Variants in TTN observed in about 807,000 individuals in gnomAD.
The protein encoded by TTN is titin, also known as connectin.
In TTN, 1,525 loss-of-function variants were observed where a neutral mutation model predicts 3,223.0. That is an observed-to-expected ratio of 0.47 (90% CI 0.45 to 0.49). The LOEUF (loss-of-function observed/expected upper bound fraction) is 0.49. TTN is among the 20% of genes least tolerant of loss of function. TTN has a pLI of 0.00. For missense variants in TTN, 40,786 were observed against 43,424.0 expected (o/e 0.94, Z 5.40); for synonymous variants, 14,094 against 15,161.0 (o/e 0.93, Z 5.17).
Position 178,537,564 on chromosome 2 carries a change from G to T in TTN, c.99643C>A (p.Arg33215=), listed in dbSNP as rs377598016. ...KYYGAVGSTL[R]LHVMYIGRPV... ...CGACCAATGTACATAACATGAAGCC[G>T]AAGTGTGGAACCCACAGCTCCATAA... The change falls in exon 355 of 363, where the codon CGG becomes AGG. Residue 33215 remains arginine (R), a synonymous_variant. Transcript: ENST00000589042. 1.2e-6 allele frequency: 2 copies of T among 1,613,678 alleles called. No individual in the cohort carries two copies. The highest frequency in any genetic ancestry group is 1.7e-6 in the Non-Finnish European group (2 of 1,179,790).
At position 178,642,338 on chromosome 2, in the gene TTN, A is replaced by G; in HGVS notation, c.40478-21T>C. The G allele has an allele frequency of 3.9e-6, 6 of 1,556,930 alleles. 1 individual carries two copies. The South Asian group carries it at 6.0e-5, about 16-fold the overall frequency. On this transcript the variant is annotated intron_variant, in intron 218 of 362. Transcript: ENST00000589042. ...AGGCACTTAAAAGAATATGATTTCAAATTTTGAAGTGAATTTATATAAAAA... is the reference window on the plus strand; with the variant it reads ...AGGCACTTAAAAGAATATGATTTCAGATTTTGAAGTGAATTTATATAAAAA...
rs771799877 is a variant in TTN at position 178,634,897 on chromosome 2, A to T, written c.42025-48T>A. On this transcript the variant is annotated intron_variant, in intron 228 of 362. Transcript: ENST00000589042. This position sits in a 1 kb window ranked among gnomAD's most constrained non-coding sequence, Gnocchi z 4.6. ...ACCATTTGAAAGAGATAAATTCCCT[A>T]TAGGAGAAGTGTTTCAGATACAAAT... 5.1e-6 allele frequency: 8 copies of T among 1,568,626 alleles called. No homozygotes were observed. The African/African-American group carries it at 9.7e-5, about 19-fold the overall frequency.
In TTN at chr2:178,680,129, C is replaced by T. The variant is rs1274873929; in HGVS notation, c.33419-74G>A. 4 of 1,586,106 alleles carry T rather than the reference C, an allele frequency of 2.5e-6. No individual in the cohort carries two copies. The East Asian group carries it at 8.9e-5, about 35-fold the overall frequency. ...AATTAAGACACCTTAGAAACACAGG[C>T]CCATTTATAACAGAAGAAAGGACAA... On this transcript the variant is annotated intron_variant, in intron 139 of 362. Coordinates refer to ENST00000589042, the MANE Select transcript of TTN (RefSeq NM_001267550.2).
rs192438325 is a variant in TTN, at chr2:178,734,623, G to A, written c.15218-17C>T. 209 of 1,560,734 alleles carry A rather than the reference G, an allele frequency of 1.3e-4. 1 individual carries two copies. In the East Asian group the frequency reaches 3.5e-3, roughly 26 times the overall value. On this transcript the variant is annotated splice_polypyrimidine_tract_variant and intron_variant, in intron 51 of 362. Coordinates refer to ENST00000589042, the MANE Select transcript of TTN (RefSeq NM_001267550.2). ...AAGGAGGTTCTACAAAAGCATGAAA[G>A]CATTGTGTAAGTAATGGGTAATAAG...
In TTN at chr2:178,564,701, T is replaced by C. The variant is rs794729512; in HGVS notation, c.81431A>G (p.Glu27144Gly). 7 of 1,613,418 alleles carry C rather than the reference T, an allele frequency of 4.3e-6. No individual in the cohort carries two copies. Among genetic ancestry groups the C allele is most frequent in the Non-Finnish European group, 5.9e-6 (7 of 1,179,646 alleles). The change falls in exon 326 of 363, where the codon GAG becomes GGG. Residue 27144 changes from glutamate (E) to glycine (G), a missense_variant. Glu to Gly is a moderately conservative substitution (Grantham distance 98). Transcript: ENST00000589042. The stretch of plus-strand genomic sequence containing the variant: ...AATATTTTCAGCAGAAACTTTGAAC[T>C]CATACTCAAGGCCCTCATCAAGCCC... ...TTGLDEGLEY[E>G]FKVSAENIVG... is the part of the protein sequence containing the mutation.
At chr2:178,769,624 AATATTTG>A (rs1189312066) in intron 37 of TTN, 48 bp downstream of exon 37, 1 of 1,339,872 alleles carries the variant, frequency 7.5e-7, no homozygotes, top group Non-Finnish European at 9.9e-7. Flanking sequence ...GAATCTACTG[AATATTTG>A]ATATTTTATA....
rs1016296780 is a variant in TTN, at chr2:178,556,988, T to C, written c.88166A>G (p.Asn29389Ser). The part of the protein sequence containing the change: ...DGRWTKASFT[N>S]VTETQFIISG... ...GATGATGAATTGAGTTTCAGTAACA[T>C]TGGTGAAGCTGGCCTTGGTCCATCT... Residue 29389 changes from asparagine to serine, a missense_variant, in exon 330 of 363, where the codon AAT becomes AGT. Physicochemically the swap from Asn to Ser is conservative, Grantham distance 46. Coordinates refer to ENST00000589042, the MANE Select transcript of TTN (RefSeq NM_001267550.2). 6.8e-6 allele frequency: 11 copies of C among 1,613,788 alleles called. No individual in the cohort carries two copies. Among genetic ancestry groups the C allele is most frequent in the Non-Finnish European group, 8.5e-6 (10 of 1,179,810 alleles).
chr2:178,711,467 T>C (rs973110039), intron 96 of TTN, 118 bp from the exon 97 acceptor site: 16 of 1,177,192 alleles, frequency 1.4e-5, no homozygotes, highest in African/African-American at 3.1e-5. Flanking sequence ...GAATTATTAA[T>C]GTCTCTTGAA....
chr2:178,685,432 A>C lies in TTN; in HGVS notation c.32392+86T>G, dbSNP rs572602552. 44 of 1,481,572 alleles carry C rather than the reference A, an allele frequency of 3.0e-5. No homozygotes were observed. The East Asian group carries it at 9.8e-4, about 33-fold the overall frequency. The allele number at this position is 1,481,572 out of a possible 1,614,324, so 91.8% of individuals were successfully genotyped here. A position where few individuals can be genotyped will look rare whatever the true frequency, so the allele number is the denominator to read the frequency against. On this transcript the variant is annotated intron_variant, in intron 128 of 362. Transcript: ENST00000589042. ...AGACATGATATTTATCAATATTTGCAATATGGATGACAAATTAGCTATAAG... is the reference window on the plus strand; with the variant it reads ...AGACATGATATTTATCAATATTTGCCATATGGATGACAAATTAGCTATAAG...
Position 178,616,605 on chromosome 2 carries a change from C to A in TTN, c.48186G>T (p.Leu16062Phe). The A allele has an allele frequency of 6.2e-7, 1 of 1,612,216 alleles. No individual in the cohort carries two copies. Among genetic ancestry groups the A allele is most frequent in the Non-Finnish European group, 8.5e-7 (1 of 1,178,954 alleles). Residue 16062 changes from leucine to phenylalanine, a missense_variant, in exon 257 of 363, where the codon TTG (leucine) becomes TTT (phenylalanine). Leu to Phe is a conservative substitution (Grantham distance 22). Transcript: ENST00000589042. Reference sequence around the variant, plus strand: ...AGTCCTTGGTTATATCACCAAATTTCAATTCTTTGGGTGCACTTGGGCGAG... The same window carrying A: ...AGTCCTTGGTTATATCACCAAATTTAAATTCTTTGGGTGCACTTGGGCGAG... The part of the protein sequence containing the change: ...VIARPSAPKE[L>F]KFGDITKDSV...
intron 253 of TTN, 60 bp downstream of exon 253, chr2:178,617,719 T>A: frequency 1.3e-6 from 2 of 1,560,048 alleles, no homozygotes; most frequent in Non-Finnish European, 1.7e-6. Flanking sequence ...TTTATTTTAA[T>A]TGATAGGCCT....
intron 123 of TTN, 45 bp downstream of exon 123, chr2:178,689,470 C>T (rs1402878228): frequency 6.2e-7 from 1 of 1,602,322 alleles, no homozygotes; most frequent in African/African-American, 1.3e-5. Context: ...ATTAAAGAGG[C>T]TTGAAGGAAA....
In TTN at chr2:178,649,822, G is replaced by C. The variant is rs766088644; in HGVS notation, c.39890C>G (p.Pro13297Arg). The C allele has an allele frequency of 1.2e-6, 2 of 1,612,352 alleles. No homozygotes were observed. Among genetic ancestry groups the C allele is most frequent in the Non-Finnish European group, 1.7e-6 (2 of 1,179,368 alleles). ...ATTCATTTTAACATGAGTACCTTTA[G>C]GAGGCGGTGCTTCTGGTTTTTTGAT... Reference protein sequence around the residue: ...PVIKKPEAPPPKEPEMPKKVV... With the variant: ...PVIKKPEAPPRKEPEMPKKVV... The change falls in exon 211 of 363, where the codon CCT (proline) becomes CGT (arginine). Residue 13297 changes from proline to arginine, a missense_variant. Pro to Arg is a moderately radical substitution (Grantham distance 103). Transcript: ENST00000589042.
chr2:178,549,332 C>G lies in TTN; in HGVS notation c.92294G>C (p.Arg30765Thr), dbSNP rs373099440. The G allele has an allele frequency of 8.9e-5, 144 of 1,613,924 alleles. No individual in the cohort carries two copies. The African/African-American group carries it at 1.7e-3, about 19-fold the overall frequency. Residue 30765 changes from arginine (R) to threonine (T), a missense_variant, in exon 339 of 363, where the codon AGA becomes ACA. Transcript: ENST00000589042. ...TCGTTTGCTGATCACTTTTACCCAT[C>G]TTGTGCTTTTCTTTTCTCTTCTTTC... ...ILERREKKST[R>T]WVKVISKRPI...
Position 178,548,591 on chromosome 2 carries a change from T to A in TTN, c.93035A>T (p.Lys31012Ile), listed in dbSNP as rs1698136089. 1 of 1,613,758 alleles carries A rather than the reference T, an allele frequency of 6.2e-7. No homozygotes were observed. Among genetic ancestry groups the A allele is most frequent in the Admixed American group, 1.7e-5 (1 of 59,980 alleles). ...SGSKSITFTV[K>I]VLDTPGPPGP... ...AGGTGGGCCTGGAGTGTCTAGCACT[T>A]TCACGGTGAATGTGATTGACTTACT... Residue 31012 changes from lysine to isoleucine, a missense_variant, in exon 339 of 363, where the codon AAA becomes ATA. Transcript: ENST00000589042. This position sits in a 1 kb window ranked among gnomAD's most constrained non-coding sequence, Gnocchi z 4.3.
chr2:178,685,718 C>T, intron 127 of TTN, 120 bp from the exon 128 acceptor site: 2 of 857,226 alleles, frequency 2.3e-6, no homozygotes, highest in Non-Finnish European at 3.6e-6. Flanking sequence ...TGCCAAACCC[C>T]TGCTTGTTCC....
intron 46 of TTN, among the ~76,000 whole-genome samples, chr2:178,755,497 C>A (rs926598791): frequency 3.9e-5 from 6 of 151,958 alleles, no homozygotes; most frequent in Admixed American, 2.0e-4. Context: ...GTACAGTGAC[C>A]CTATTTCGGC....
intron 64 of TTN, 54 bp downstream of exon 64, chr2:178,729,234 A>G (rs373536061): frequency 5.2e-6 from 8 of 1,552,866 alleles, no homozygotes; most frequent in South Asian, 3.8e-5. Context: ...TAATGATAAG[A>G]TTTAAAAGCG....
intron 202 of TTN, 50 bp downstream of exon 202, chr2:178,652,408 C>A (rs1250109053): frequency 1.2e-6 from 2 of 1,611,428 alleles, no homozygotes; most frequent in Non-Finnish European, 1.7e-6. Flanking sequence ...AAAATACTTT[C>A]CAGAGCAGAA....
Sources: allele counts gnomAD v4.1 joint callset (sites outside exome capture counted in the v4.1 genomes callset), GRCh38; gene constraint gnomAD v4.1.1; non-coding constraint Gnocchi (gnomAD v3.1); transcripts MANE v1.5; gene names NCBI Gene and HGNC (gene_info 2026-07-23, HGNC 2026-07-21).